The following PCDHA2 variants were observed in gnomAD, a reference collection of about 807,000 sequenced individuals.
The protein encoded by PCDHA2 is protocadherin alpha 2, also known as protocadherin alpha-2.
PCDHA2 carries 58 observed loss-of-function variants against 66.0 expected under a neutral mutation model. That is an observed-to-expected ratio of 0.88 (90% CI 0.71 to 1.09). The LOEUF (loss-of-function observed/expected upper bound fraction) is 1.09, where lower values mean the gene tolerates loss of function less well. PCDHA2 is among the 50% of genes least tolerant of loss of function. PCDHA2 has a pLI of 0.00. For missense variants in PCDHA2, 1,267 were observed against 1,242.3 expected, an observed-to-expected ratio of 1.02 and a Z score of -0.30; for synonymous variants, 634 against 554.0, an observed-to-expected ratio of 1.14 and a Z score of -2.03.
At chr5:140,982,367 G>A in intron 2 of PCDHA2, 108 bp from the exon 3 acceptor site, 1 of 1,544,446 alleles carries the variant, frequency 6.5e-7, no homozygotes, top group Non-Finnish European at 8.7e-7. Context: ...AGCAGAATGT[G>A]TTAGCTGCAG....
At chr5:140,911,985 A>C (rs1554195072) in intron 1 of PCDHA2, among the ~76,000 whole-genome samples, 2 of 152,204 alleles carry the variant, frequency 1.3e-5, no homozygotes, top group African/African-American at 4.8e-5. Flanking sequence ...CATGATCACA[A>C]GGTCCCACAA....
intron 1 of PCDHA2, chr5:140,967,776 C>T: frequency 1.2e-6 from 2 of 1,614,148 alleles, no homozygotes; most frequent in East Asian, 2.2e-5. Flanking sequence ...TATGTGCAGG[C>T]GACTGACCGG....
intron 1 of PCDHA2, chr5:140,825,356 T>G (rs1768522670): frequency 6.8e-6 from 1 of 147,500 alleles, no homozygotes. Context: ...CTAATATATA[T>G]TAGATATATA....
chr5:140,968,553 G>C (rs782583876), intron 1 of PCDHA2: 4 of 1,614,132 alleles, frequency 2.5e-6, no homozygotes, highest in South Asian at 1.1e-5. Context: ...ATGGTGCCTC[G>C]AACTGCCCCT....
At chr5:140,934,528 G>C (rs782284913) in intron 1 of PCDHA2, among the ~76,000 whole-genome samples, 1 of 152,116 alleles carries the variant, frequency 6.6e-6, no homozygotes, top group African/African-American at 2.4e-5. Flanking sequence ...CACTTCGAGA[G>C]CTACCGTTCT....
intron 1 of PCDHA2, chr5:140,841,780 G>T: frequency 6.2e-7 from 1 of 1,613,894 alleles, no homozygotes; most frequent in South Asian, 1.1e-5. Flanking sequence ...CTCGGTTTCC[G>T]CTAGAGGGCG....
chr5:140,890,097 C>G (rs1554184163), intron 1 of PCDHA2, among the ~76,000 whole-genome samples: 1 of 152,136 alleles, frequency 6.6e-6, no homozygotes, highest in African/African-American at 2.4e-5. Context: ...AATTTATTCC[C>G]AACTCTGGAT....
intron 1 of PCDHA2, among the ~76,000 whole-genome samples, chr5:140,922,795 G>C (rs1393016233): frequency 7.9e-5 from 12 of 152,152 alleles, no homozygotes; most frequent in African/African-American, 2.9e-4. Context: ...TGTAGCTTTG[G>C]AATACAGAAA....
chr5:141,004,531 C>A (rs1051693064), intron 3 of PCDHA2, among the ~76,000 whole-genome samples: 2 of 152,234 alleles, frequency 1.3e-5, no homozygotes, highest in Admixed American at 1.3e-4. Flanking sequence ...ATACACACAG[C>A]CATTAATGTC....
intron 1 of PCDHA2, among the ~76,000 whole-genome samples, chr5:140,833,353 G>A (rs2150207714): frequency 9.9e-5 from 15 of 152,096 alleles, no homozygotes; most frequent in East Asian, 1.9e-4. Flanking sequence ...TCCAGAAAAC[G>A]AACACAGTAA....
intron 1 of PCDHA2, among the ~76,000 whole-genome samples, chr5:140,878,522 C>A (rs1237264420): frequency 6.6e-6 from 1 of 152,072 alleles, no homozygotes; most frequent in Non-Finnish European, 1.5e-5. Flanking sequence ...AGTTGGTAAC[C>A]AACTGTGGCT....
intron 1 of PCDHA2, among the ~76,000 whole-genome samples, chr5:140,906,586 C>G (rs1199094981): frequency 6.6e-6 from 1 of 152,218 alleles, no homozygotes; most frequent in African/African-American, 2.4e-5. Context: ...TGATGACTAC[C>G]TTCCTCTACT....
chr5:140,861,270 A>G (rs900401240), intron 1 of PCDHA2: 2 of 180,284 alleles, frequency 1.1e-5, no homozygotes, highest in South Asian at 1.2e-4. Flanking sequence ...AGCCTACAGC[A>G]CTGGCTTCTG....
At chr5:140,825,397 ATAT>A (rs1768543114) in intron 1 of PCDHA2, 1 of 145,834 alleles carries the variant, frequency 6.9e-6, no homozygotes. Context: ...TATATCTAAT[ATAT>A]TATATATTTT....
intron 3 of PCDHA2, among the ~76,000 whole-genome samples, chr5:141,007,365 A>G (rs1027558453): frequency 6.7e-6 from 1 of 149,886 alleles, no homozygotes; most frequent in African/African-American, 2.5e-5. Context: ...AGCCTGGGCA[A>G]CATGATGGAA....
At chr5:140,805,153 C>T in intron 1 of PCDHA2, 1 of 1,559,928 alleles carries the variant, frequency 6.4e-7, no homozygotes, top group Non-Finnish European at 8.6e-7. Context: ...TTGGAATTTT[C>T]ACTTCACAGA....
At chr5:140,870,489 C>A in intron 1 of PCDHA2, 1 of 1,614,222 alleles carries the variant, frequency 6.2e-7, no homozygotes, top group South Asian at 1.1e-5. Context: ...ACACCGTGTT[C>A]GTGAAGGAGA....
chr5:140,876,723 C>T (rs782820769), intron 1 of PCDHA2: 2 of 1,614,130 alleles, frequency 1.2e-6, no homozygotes, highest in African/African-American at 1.3e-5. Flanking sequence ...ACCGCGAGAG[C>T]GTGTCGGCCT....
At chr5:140,977,589 G>A (rs567353301) in intron 1 of PCDHA2, among the ~76,000 whole-genome samples, 15 of 152,274 alleles carry the variant, frequency 9.9e-5, no homozygotes, top group Admixed American at 2.6e-4. Flanking sequence ...AGAGCAGTTA[G>A]CATGTGAGGA....
Sources: allele counts gnomAD v4.1 joint callset (sites outside exome capture counted in the v4.1 genomes callset), GRCh38; gene constraint gnomAD v4.1.1; transcripts MANE v1.5; gene names NCBI Gene and HGNC (gene_info 2026-07-23, HGNC 2026-07-21).